Variants in ACSM4 observed in about 807,000 individuals in gnomAD.
ACSM4 encodes the protein acyl-coenzyme A synthetase ACSM4, mitochondrial.
A neutral mutation model predicts 73.0 loss-of-function variants in ACSM4; 66 were observed. That is an observed-to-expected ratio of 0.90 (90% CI 0.74 to 1.11). ACSM4 has a LOEUF of 1.11. Ranked by LOEUF, ACSM4 falls within the 50% of genes least tolerant of loss-of-function variation. The probability of loss-of-function intolerance (pLI) is 0.00; values close to 1 mark genes in which losing one functional copy is unlikely to be tolerated. For missense variants in ACSM4, 645 were observed against 714.4 expected (o/e 0.90, Z 1.11); for synonymous variants, 222 against 254.0 (o/e 0.87, Z 1.20).
chr12:7,306,558 C>T lies in ACSM4; in HGVS notation c.227C>T (p.Ala76Val). 6.3e-7 allele frequency: 1 copy of T among 1,598,972 alleles called. No individual in the cohort carries two copies. The highest frequency in any genetic ancestry group is 8.5e-7 in the Non-Finnish European group (1 of 1,172,838). ...EKTGERPANP[A>V]LWWVNGKGDE... Reference sequence around the variant, plus strand: ...ACAGGGGAGAGACCAGCTAACCCAGCCCTGTGGTGGGTGAATGGCAAAGGG... The same window carrying T: ...ACAGGGGAGAGACCAGCTAACCCAGTCCTGTGGTGGGTGAATGGCAAAGGG... Residue 76 changes from alanine (A) to valine (V), a missense_variant, in exon 2 of 13, where the codon GCC (alanine) becomes GTC (valine). Transcript: ENST00000399422.
Position 7,314,527 on chromosome 12 carries a change from T to C in ACSM4, c.621-2610T>C, listed in dbSNP as rs752841510. On this transcript the variant is annotated intron_variant, in intron 3 of 12. Transcript: ENST00000399422. ...GACAGATAGATGGACAGATGAAAGA[T>C]TGATAAGTAGGTAGGTAGGTAGATA... 9.9e-5 allele frequency among the ~76,000 whole-genome samples: 15 copies of C among 152,142 alleles called. No homozygotes were observed. The Middle Eastern group carries it at 0.01, about 103-fold the overall frequency.
chr12:7,310,813 C>T, intron 3 of ACSM4, 67 bp downstream of exon 3: 1 of 1,475,586 alleles, frequency 6.8e-7, no homozygotes, highest in Middle Eastern at 1.8e-4. Flanking sequence ...ATCTTGGAAT[C>T]TCTTTGCCTC....
At chr12:7,317,362 T>C in intron 4 of ACSM4, 82 bp downstream of exon 4, 1 of 1,445,872 alleles carries the variant, frequency 6.9e-7, no homozygotes, top group East Asian at 2.6e-5. Context: ...ATACTTCTCC[T>C]TGAATTGCTA....
At chr12:7,325,334 C>A (rs1395132393) in intron 11 of ACSM4, among the ~76,000 whole-genome samples, 2 of 152,224 alleles carry the variant, frequency 1.3e-5, no homozygotes, top group Non-Finnish European at 2.9e-5. Flanking sequence ...AATATCTTTT[C>A]TCACAGAAAC....
rs1946348199 is a variant in ACSM4, at chr12:7,304,206, C to T, written c.-126C>T. 9 of 1,021,698 alleles carry T rather than the reference C, an allele frequency of 8.8e-6. No homozygotes were observed. Among genetic ancestry groups the T allele is most frequent in the Non-Finnish European group, 1.3e-5 (9 of 684,506 alleles). The allele number at this position is 1,021,698 out of a possible 1,614,324, so 63.3% of individuals were successfully genotyped here. ...GGTGTTCCCCAACTTGCCAGGGACA[C>T]ACAGCCACAAATCCACCTCCCAGTC... On this transcript the variant is annotated 5_prime_UTR_variant, in exon 1 of 13. Transcript: ENST00000399422.
Position 7,318,128 on chromosome 12 carries a change from A to C in ACSM4, c.867A>C (p.Gly289=). 6.2e-7 allele frequency: 1 copy of C among 1,613,672 alleles called. No individual in the cohort carries two copies. Among genetic ancestry groups the C allele is most frequent in the South Asian group, 1.1e-5 (1 of 91,074 alleles). The part of the protein sequence containing the change: ...IGSVFSSWLC[G]ACVFVHRMAQ... ...GTGTGTTTTCTTCCTGGCTGTGTGGAGCCTGTGTTTTTGTGCATCGAATGG... is the reference window on the plus strand; with the variant it reads ...GTGTGTTTTCTTCCTGGCTGTGTGGCGCCTGTGTTTTTGTGCATCGAATGG... The change falls in exon 5 of 13, where the codon GGA becomes GGC. Residue 289 remains glycine (G), a synonymous_variant. Coordinates refer to ENST00000399422, the MANE Select transcript of ACSM4 (RefSeq NM_001080454.2).
chr12:7,323,789 G>T (rs1040275355), intron 9 of ACSM4, among the ~76,000 whole-genome samples: 4 of 152,086 alleles, frequency 2.6e-5, no homozygotes, highest in Non-Finnish European at 5.9e-5. Flanking sequence ...CTGGAATGAG[G>T]GTGCAGTTGG....
chr12:7,314,880 T>C (rs1222610472), intron 3 of ACSM4, among the ~76,000 whole-genome samples: 1 of 152,138 alleles, frequency 6.6e-6, no homozygotes, highest in Non-Finnish European at 1.5e-5. Flanking sequence ...ATGTTAATAT[T>C]TTATGAAACT....
At chr12:7,312,491 T>C (rs1029281976) in intron 3 of ACSM4, among the ~76,000 whole-genome samples, 1 of 152,146 alleles carries the variant, frequency 6.6e-6, no homozygotes, top group Admixed American at 6.6e-5. Flanking sequence ...AGAGAAGACA[T>C]GCAAACCCTG....
At chr12:7,324,184 G>T in intron 9 of ACSM4, 89 bp from the exon 10 acceptor site, 1 of 1,460,340 alleles carries the variant, frequency 6.8e-7, no homozygotes. Context: ...TATATAAGTA[G>T]GATGTGTAAT....
intron 11 of ACSM4, among the ~76,000 whole-genome samples, chr12:7,326,343 T>C (rs1946505538): frequency 6.6e-6 from 1 of 152,206 alleles, no homozygotes; most frequent in Non-Finnish European, 1.5e-5. Flanking sequence ...TTGCTAGTAC[T>C]ACAGGTGTGC....
intron 3 of ACSM4, 107 bp downstream of exon 3, chr12:7,310,853 T>C: frequency 8.4e-7 from 1 of 1,183,728 alleles, no homozygotes. Flanking sequence ...TCAGTTGATC[T>C]GGGCTCTTAC....
chr12:7,314,641 TGATA>T (rs924292443), intron 3 of ACSM4, among the ~76,000 whole-genome samples: 3 of 152,124 alleles, frequency 2.0e-5, no homozygotes, highest in Non-Finnish European at 2.9e-5. Context: ...GATAGATAGA[TGATA>T]GATAGAGAGA....
chr12:7,316,911 A>G (rs1229938989), intron 3 of ACSM4, among the ~76,000 whole-genome samples: 1 of 152,170 alleles, frequency 6.6e-6, no homozygotes, highest in Admixed American at 6.5e-5. Context: ...CCCTATAGGG[A>G]GATGAAGCTT....
At position 7,323,217 on chromosome 12, in the gene ACSM4, G is replaced by A; in HGVS notation, c.1126-17G>A. 6.3e-7 allele frequency: 1 copy of A among 1,594,274 alleles called. No individual in the cohort carries two copies. Among genetic ancestry groups the A allele is most frequent in the South Asian group, 1.1e-5 (1 of 87,266 alleles). On this transcript the variant is annotated splice_polypyrimidine_tract_variant and intron_variant, in intron 7 of 12. Transcript: ENST00000399422. ...ATAAACTTTTGTATACTTATACAAAGCTTGTCCTCTCAATAGGGAATGATT... is the reference window on the plus strand; with the variant it reads ...ATAAACTTTTGTATACTTATACAAAACTTGTCCTCTCAATAGGGAATGATT...
At chr12:7,310,435 G>C in intron 2 of ACSM4, 104 bp from the exon 3 acceptor site, 1 of 1,132,320 alleles carries the variant, frequency 8.8e-7, no homozygotes, top group Non-Finnish European at 1.3e-6. Context: ...AGCTGAGGTA[G>C]CTGAAGAATG....
At chr12:7,311,808 G>A (rs1946392403) in intron 3 of ACSM4, among the ~76,000 whole-genome samples, 1 of 152,078 alleles carries the variant, frequency 6.6e-6, no homozygotes, top group Non-Finnish European at 1.5e-5. Flanking sequence ...TCCCACCTGA[G>A]CCTCCTGAGT....
At position 7,317,298 on chromosome 12, in the gene ACSM4, G is replaced by C; in HGVS notation, c.764+18G>C. 2 of 1,541,322 alleles carry C rather than the reference G, an allele frequency of 1.3e-6. No homozygotes were observed. Among genetic ancestry groups the C allele is most frequent in the South Asian group, 2.4e-5 (2 of 81,778 alleles). ...TGCGGAAGGTAGGGAAGAAAATTCAGTTTGTTTTTGGTGAACTCCCCCAAA... is the reference window on the plus strand; with the variant it reads ...TGCGGAAGGTAGGGAAGAAAATTCACTTTGTTTTTGGTGAACTCCCCCAAA... On this transcript the variant is annotated intron_variant, in intron 4 of 12. Transcript: ENST00000399422.
chr12:7,317,065 T>A (rs1392226091), intron 3 of ACSM4, 72 bp from the exon 4 acceptor site: 1 of 1,518,638 alleles, frequency 6.6e-7, no homozygotes, highest in East Asian at 2.4e-5. Flanking sequence ...CATAAGTAGT[T>A]GAGCAGAGGA....
Sources: allele counts gnomAD v4.1 joint callset (sites outside exome capture counted in the v4.1 genomes callset), GRCh38; gene constraint gnomAD v4.1.1; transcripts MANE v1.5; gene names NCBI Gene and HGNC (gene_info 2026-07-23, HGNC 2026-07-21).